OTC: variants seen among roughly 807,000 people sequenced by gnomAD.
OTC encodes the protein ornithine transcarbamylase, mitochondrial.
In OTC, 3 loss-of-function variants were observed where a neutral mutation model predicts 30.3. That is an observed-to-expected ratio of 0.10 (90% CI 0.05 to 0.26). OTC has a LOEUF of 0.26. Among genes scored for constraint, OTC ranks in the 10% least tolerant of loss-of-function variants. The probability of loss-of-function intolerance (pLI) is 1.00; values close to 1 mark genes in which losing one functional copy is unlikely to be tolerated. For synonymous variants in OTC, 111 were observed against 99.7 expected, an observed-to-expected ratio of 1.11 and a Z score of -0.67; for missense variants, 194 against 260.3, an observed-to-expected ratio of 0.75 and a Z score of 1.75.
At chrX:38,364,334 A>T (rs2068285063) in intron 1 of OTC, among the ~76,000 whole-genome samples, 1 of 112,129 alleles carries the variant, frequency 8.9e-6, no homozygotes, top group East Asian at 2.8e-4. Context: ...CCACTGCTTT[A>T]AAGAAATTTC....
chrX:38,391,111 T>C (rs899033614), intron 4 of OTC, among the ~76,000 whole-genome samples: 1 of 110,574 alleles, frequency 9.0e-6, no homozygotes, highest in Non-Finnish European at 1.9e-5. Context: ...CCTGCATAAA[T>C]CATCCCATCA....
chrX:38,396,969 A>G (rs1234563829), intron 4 of OTC, among the ~76,000 whole-genome samples: 1 of 111,240 alleles, frequency 9.0e-6, no homozygotes, highest in Non-Finnish European at 1.9e-5. Flanking sequence ...TACAGTTTCT[A>G]CTATTTCTAG....
intron 9 of OTC, among the ~76,000 whole-genome samples, chrX:38,418,040 T>C (rs1347661790): frequency 8.9e-6 from 1 of 111,898 alleles, no homozygotes; most frequent in Non-Finnish European, 1.9e-5. Flanking sequence ...AGTTCTAGTT[T>C]TAGTTTTTTG....
At chrX:38,338,727 A>G in the OTC span, among the ~76,000 whole-genome samples, 2 of 112,457 alleles carry the variant, frequency 1.8e-5, no homozygotes, top group Non-Finnish European at 3.8e-5. Flanking sequence ...GAAAGTCTAG[A>G]GAGAAATACT....
intron 8 of OTC, among the ~76,000 whole-genome samples, chrX:38,411,198 A>C (rs1479122953): frequency 9.1e-6 from 1 of 110,361 alleles, no homozygotes; most frequent in East Asian, 2.8e-4. Flanking sequence ...TTATCACACC[A>C]AAGCAACTTT....
chrX:38,380,487 G>A (rs1186831396), intron 3 of OTC, among the ~76,000 whole-genome samples: 4 of 112,140 alleles, frequency 3.6e-5, no homozygotes, highest in Non-Finnish European at 7.5e-5. Flanking sequence ...AAATGAGACA[G>A]TAAAGTTCTG....
intron 4 of OTC, among the ~76,000 whole-genome samples, chrX:38,399,158 A>G (rs1569278937): frequency 9.0e-6 from 1 of 111,226 alleles, no homozygotes; most frequent in Non-Finnish European, 1.9e-5. Context: ...CCTCTTTCTT[A>G]GGAGTCTCAA....
Position 38,411,868 on chromosome X carries a change from A to G in OTC, c.874A>G (p.Lys292Glu), listed in dbSNP as rs759069042. 6 of 1,209,198 alleles carry G rather than the reference A, an allele frequency of 5.0e-6. No homozygotes were observed. In the South Asian group the frequency reaches 8.8e-5, roughly 18 times the overall value. The stretch of plus-strand genomic sequence containing the variant: ...CTTATCCCCATCTCTTTAGACTGCT[A>G]AAGTTGCTGCCTCTGACTGGACATT... Reference protein sequence around the residue: ...QGYQVTMKTAKVAASDWTFLH... With the variant: ...QGYQVTMKTAEVAASDWTFLH... Residue 292 changes from lysine to glutamate, a missense_variant, in exon 9 of 10, where the codon AAA becomes GAA. Lys to Glu is a moderately conservative substitution (Grantham distance 56). Coordinates refer to ENST00000039007, the MANE Select transcript of OTC (RefSeq NM_000531.6).
chrX:38,388,668 C>CTA (rs2068416529), intron 4 of OTC, among the ~76,000 whole-genome samples: 1 of 111,492 alleles, frequency 9.0e-6, no homozygotes, highest in East Asian at 2.8e-4. Context: ...TAATAGCTTC[C>CTA]CAGTCATTTG....
intron 9 of OTC, among the ~76,000 whole-genome samples, chrX:38,413,609 A>T (rs2068554216): frequency 9.0e-6 from 1 of 110,800 alleles, no homozygotes; most frequent in Non-Finnish European, 1.9e-5. Flanking sequence ...GGGTCTTGTT[A>T]AGGTGCAGAT....
At chrX:38,331,874 G>T in the OTC span, among the ~76,000 whole-genome samples, 2 of 111,209 alleles carry the variant, frequency 1.8e-5, no homozygotes, top group South Asian at 7.6e-4. Context: ...GAACCACTGT[G>T]CCTGGCCATC....
At position 38,381,412 on chromosome X, in the gene OTC, T is replaced by C; in HGVS notation, c.369T>C (p.Ser123=). 8.4e-7 allele frequency: 1 copy of C among 1,192,318 alleles called. No individual in the cohort carries two copies. Among genetic ancestry groups the C allele is most frequent in the Non-Finnish European group, 1.1e-6 (1 of 877,750 alleles). ...ATATTCATTTGGGTGTGAATGAAAG[T>C]CTCACGGACACGGCCCGGTTTGTAA... ...TQDIHLGVNE[S]LTDTARVLSS... The change falls in exon 4 of 10, where the codon AGT becomes AGC. Residue 123 remains serine (S), a synonymous_variant. Transcript: ENST00000039007.
chrX:38,402,784 T>C (rs2068495856), intron 5 of OTC, among the ~76,000 whole-genome samples: 2 of 111,197 alleles, frequency 1.8e-5, no homozygotes, highest in African/African-American at 6.5e-5. Context: ...TCTATAGCCA[T>C]AAACAACCAA....
intron 6 of OTC, among the ~76,000 whole-genome samples, chrX:38,406,641 A>C (rs1293950349): frequency 8.9e-6 from 1 of 112,154 alleles, no homozygotes; most frequent in Non-Finnish European, 1.9e-5. Context: ...TAGGGAGTAT[A>C]AAACCTACTC....
At chrX:38,351,904 G>C (rs1475877216), upstream of OTC, among the ~76,000 whole-genome samples, 1 of 111,503 alleles carries the variant, frequency 9.0e-6, no homozygotes, top group African/African-American at 3.3e-5. Flanking sequence ...GGGATTACAG[G>C]TGTGCACCAC....
intron 3 of OTC, among the ~76,000 whole-genome samples, chrX:38,379,851 G>A (rs774530808): frequency 1.8e-5 from 2 of 110,747 alleles, no homozygotes; most frequent in Non-Finnish European, 3.8e-5. Flanking sequence ...GGATGGTCTC[G>A]ATTTCCTGAC....
chrX:38,371,872 A>T (rs1389656454), intron 3 of OTC, among the ~76,000 whole-genome samples: 1 of 112,476 alleles, frequency 8.9e-6, no homozygotes, highest in East Asian at 2.8e-4. Context: ...CCAGTCAGCA[A>T]TTCTCAAATT....
chrX:38,334,546 G>A, the OTC span, among the ~76,000 whole-genome samples: 1 of 111,584 alleles, frequency 9.0e-6, no homozygotes, highest in Non-Finnish European at 1.9e-5. Flanking sequence ...GAGGAATGAG[G>A]CTGAGAAAAA....
chrX:38,370,099 T>G (rs1387460382), intron 3 of OTC, among the ~76,000 whole-genome samples: 1 of 112,827 alleles, frequency 8.9e-6, no homozygotes, highest in Non-Finnish European at 1.9e-5. Flanking sequence ...CATAAGGAAC[T>G]GAGTAGAAGT....
Sources: allele counts gnomAD v4.1 joint callset (sites outside exome capture counted in the v4.1 genomes callset), GRCh38; gene constraint gnomAD v4.1.1; transcripts MANE v1.5; gene names NCBI Gene and HGNC (gene_info 2026-07-23, HGNC 2026-07-21).